The following SCYL1 variants were observed in gnomAD, a reference collection of about 807,000 sequenced individuals.
SCYL1 encodes the protein SCY1 like pseudokinase 1, also known as N-terminal kinase-like protein.
SCYL1 carries 85 observed loss-of-function variants against 94.8 expected under a neutral mutation model. That is an observed-to-expected ratio of 0.90 (90% confidence interval 0.75 to 1.07). The LOEUF is 1.07. SCYL1 is among the 50% of genes least tolerant of loss of function. SCYL1 has a pLI of 0.00. For synonymous variants in SCYL1, 459 were observed against 435.5 expected (o/e 1.05, Z -0.67); for missense variants, 968 against 1,083.3 (o/e 0.89, Z 1.49).
chr11:65,525,540 T>C (rs763259725), intron 1 of SCYL1, 34 bp from the exon 2 acceptor site: 1 of 1,605,346 alleles, frequency 6.2e-7, no homozygotes, highest in Non-Finnish European at 8.5e-7. Flanking sequence ...ACAACAGCTC[T>C]GGGACCATCT....
intron 9 of SCYL1, among the ~76,000 whole-genome samples, chr11:65,534,585 G>A (rs1471900093): frequency 6.6e-6 from 1 of 152,192 alleles, no homozygotes; most frequent in Non-Finnish European, 1.5e-5. Context: ...ATGCATGTGT[G>A]AAATTTAGGG....
chr11:65,529,287 G>A (rs1855251386), intron 6 of SCYL1, among the ~76,000 whole-genome samples: 1 of 152,214 alleles, frequency 6.6e-6, no homozygotes. Context: ...CAGTGTCGGG[G>A]CAGCAGGAAC....
At position 65,535,352 on chromosome 11, in the gene SCYL1, G is replaced by A; in HGVS notation, c.1356G>A (p.Leu452=). ...GPIRCNTTVC[L]GKIGSYLSAS... is the part of the protein sequence containing the mutation. ...TCCGCTGCAACACCACAGTCTGCCT[G>A]GGCAAAATCGGCTCCTACCTCAGTG... Residue 452 remains leucine (L), a synonymous_variant, in exon 10 of 18, where the codon CTG becomes CTA. Transcript: ENST00000270176. 1 of 1,614,240 alleles carries A rather than the reference G, an allele frequency of 6.2e-7. No individual in the cohort carries two copies. The highest frequency in any genetic ancestry group is 8.5e-7 in the Non-Finnish European group (1 of 1,180,016).
chr11:65,526,331 A>T lies in SCYL1; in HGVS notation c.583A>T (p.Arg195Ter). The change falls in exon 4 of 18, where the codon AGA becomes TGA. Residue 195 changes from arginine (R) to a stop codon, truncating the protein, a stop_gained. Coordinates refer to ENST00000270176, the MANE Select transcript of SCYL1 (RefSeq NM_020680.4). LOFTEE classifies it high-confidence loss of function. The surrounding 1 kb of genome is among the most constrained non-coding windows in gnomAD (Gnocchi z 4.1). ...DPPELADSSG[R>*]VVREKWSADM... ...CCCGGAGTTGGCTGACAGCAGTGGCAGAGTGGTCAGAGAGAAGTGGTGGGT... is the reference window on the plus strand; with the variant it reads ...CCCGGAGTTGGCTGACAGCAGTGGCTGAGTGGTCAGAGAGAAGTGGTGGGT... The T allele has an allele frequency of 6.2e-7, 1 of 1,604,486 alleles. No individual in the cohort carries two copies. The highest frequency in any genetic ancestry group is 8.5e-7 in the Non-Finnish European group (1 of 1,173,954).
At chr11:65,530,523 A>G (rs546787660) in intron 6 of SCYL1, 106 bp from the exon 7 acceptor site, 12 of 1,310,404 alleles carry the variant, frequency 9.2e-6, no homozygotes, top group Middle Eastern at 3.9e-4. Flanking sequence ...CAGGCTCCAG[A>G]GCCCATAAGG....
chr11:65,534,846 G>A (rs2135078818), intron 9 of SCYL1, among the ~76,000 whole-genome samples: 1 of 152,288 alleles, frequency 6.6e-6, no homozygotes, highest in South Asian at 2.1e-4. Flanking sequence ...AGGGGTGTCA[G>A]AACTGCTGAG....
chr11:65,527,706 C>T (rs1321321874), intron 6 of SCYL1, among the ~76,000 whole-genome samples: 8 of 133,194 alleles, frequency 6.0e-5, no homozygotes, highest in African/African-American at 1.5e-4. Flanking sequence ...CACTCTAGCC[C>T]GGGCGACAGT....
chr11:65,531,306 A>T (rs1393977494), intron 7 of SCYL1, among the ~76,000 whole-genome samples: 2 of 152,310 alleles, frequency 1.3e-5, no homozygotes, highest in African/African-American at 4.8e-5. Flanking sequence ...CAGAAATTGC[A>T]GGCAGAATTT....
rs1458357965 is a variant in SCYL1 at position 65,537,040 on chromosome 11, A to G, written c.1871A>G (p.His624Arg). The change falls in exon 14 of 18, where the codon CAC (histidine) becomes CGC (arginine). Residue 624 changes from histidine to arginine, a missense_variant. Physicochemically the swap from His to Arg is conservative, Grantham distance 29 (BLOSUM62 0). Coordinates refer to ENST00000270176, the MANE Select transcript of SCYL1 (RefSeq NM_020680.4). ...PVPATPTTSG[H>R]WETQEEDKDT... ...CCTGCCACCCCTACAACCTCAGGCC[A>G]CTGGGAGACGCAGGAGGAGGACAAG... 5 of 1,602,384 alleles carry G rather than the reference A, an allele frequency of 3.1e-6. No individual in the cohort carries two copies. In the Admixed American group the frequency reaches 8.4e-5, roughly 27 times the overall value.
chr11:65,536,182 G>C (rs774664238), intron 11 of SCYL1, 41 bp downstream of exon 11: 28 of 1,606,356 alleles, frequency 1.7e-5, no homozygotes, highest in Non-Finnish European at 2.1e-5. Flanking sequence ...TGGGGCTGTA[G>C]GGGATGTCAG....
intron 6 of SCYL1, among the ~76,000 whole-genome samples, chr11:65,528,200 T>C (rs1285349853): frequency 2.0e-5 from 3 of 152,158 alleles, no homozygotes; most frequent in Non-Finnish European, 4.4e-5. Flanking sequence ...CCCAGCACTT[T>C]GGGAGGCTGA....
intron 6 of SCYL1, among the ~76,000 whole-genome samples, chr11:65,528,163 C>G (rs1565069994): frequency 6.6e-6 from 1 of 152,220 alleles, no homozygotes; most frequent in Non-Finnish European, 1.5e-5. Context: ...TAAATAAGAG[C>G]CAGGTGCAGT....
Position 65,526,266 on chromosome 11 carries a change from CTCCCCGCAAGGGGA to C in SCYL1, c.525_538del (p.Lys176AlafsTer2). ...TCGGCCCAGGGCAACGGTGGGGGAC[CTCCCCGCAAGGGGA>C]TCCCCGAGCTTGAGCAGTATGACCC... On this transcript the variant is annotated frameshift_variant, in exon 4 of 18. Transcript: ENST00000270176. LOFTEE classifies it high-confidence loss of function. This position sits in a 1 kb window ranked among gnomAD's most constrained non-coding sequence, Gnocchi z 4.1. 1 of 1,613,022 alleles carries C rather than the reference CTCCCCGCAAGGGGA, an allele frequency of 6.2e-7. No homozygotes were observed. Among genetic ancestry groups the C allele is most frequent in the Middle Eastern group, 1.7e-4 (1 of 6,058 alleles).
At position 65,538,611 on chromosome 11, in the gene SCYL1, G is replaced by A. The variant is rs982816838; in HGVS notation, c.*45G>A. The A allele has an allele frequency of 1.3e-6, 2 of 1,589,832 alleles. No individual in the cohort carries two copies. Among genetic ancestry groups the A allele is most frequent in the Admixed American group, 1.7e-5 (1 of 58,600 alleles). On this transcript the variant is annotated 3_prime_UTR_variant, in exon 18 of 18. Transcript: ENST00000270176. ...CCGGCTGCGGAGAGCCCGCCCCACA[G>A]ATGTATTTATTGTACAAACCATGTG...
At chr11:65,535,713 G>A (rs1002521155) in intron 10 of SCYL1, 22 of 576,092 alleles carry the variant, frequency 3.8e-5, no homozygotes, top group African/African-American at 5.6e-5. Flanking sequence ...GCCTGTGTCC[G>A]AGCCCTGGGG....
intron 9 of SCYL1, 62 bp downstream of exon 9, chr11:65,532,867 C>A: frequency 1.5e-6 from 2 of 1,291,218 alleles, no homozygotes; most frequent in Non-Finnish European, 2.2e-6. Context: ...GGGGCTCACC[C>A]TAGACACAGA....
In SCYL1 at chr11:65,532,629, C is replaced by A. The variant is rs980626070; in HGVS notation, c.1117-63C>A. On this transcript the variant is annotated intron_variant, in intron 8 of 17. Transcript: ENST00000270176. ...GGAAAAGCTAAGCCAGGAGCGGTTC[C>A]ATGGCTATGGGGATAGAGTGGGAAG... 10 of 1,364,146 alleles carry A rather than the reference C, an allele frequency of 7.3e-6. 1 individual carries two copies. The South Asian group carries it at 1.2e-4, about 16-fold the overall frequency. 84.5% of individuals were successfully genotyped at this position (1,364,146 alleles called of 1,614,324 possible).
chr11:65,537,786 A>G lies in SCYL1; in HGVS notation c.1960-23A>G, dbSNP rs1440667424. ...TGCCCTTTAGCATGGGGTGGGAGTC[A>G]GTGGTCCCTTCCCACACTGCAGCAG... is the stretch of plus-strand genomic sequence containing the variant. On this transcript the variant is annotated intron_variant, in intron 14 of 17. Transcript: ENST00000270176. 6 of 1,536,426 alleles carry G rather than the reference A, an allele frequency of 3.9e-6. No homozygotes were observed. The Admixed American group carries it at 1.2e-4, about 31-fold the overall frequency.
In SCYL1 at chr11:65,538,309, C is replaced by G; in HGVS notation, c.2287C>G (p.Leu763Val). 6.4e-7 allele frequency: 1 copy of G among 1,550,440 alleles called. No individual in the cohort carries two copies. Among genetic ancestry groups the G allele is most frequent in the Non-Finnish European group, 8.7e-7 (1 of 1,146,562 alleles). ...DSWGEDNWEG[L>V]ETDSRQVKAE... Reference sequence around the variant, plus strand: ...TTGGGGTGAGGACAACTGGGAGGGCCTCGAGACTGACAGTCGTAAGTGCTT... The same window carrying G: ...TTGGGGTGAGGACAACTGGGAGGGCGTCGAGACTGACAGTCGTAAGTGCTT... Residue 763 changes from leucine to valine, a missense_variant, in exon 17 of 18, where the codon CTC becomes GTC. By Grantham distance (32) the Leu-to-Val change is conservative. Coordinates refer to ENST00000270176, the MANE Select transcript of SCYL1 (RefSeq NM_020680.4).
Sources: gnomAD v4.1 joint callset for allele counts (sites outside exome capture counted in the v4.1 genomes callset) on GRCh38, gnomAD v4.1.1 for gene constraint, Gnocchi (gnomAD v3.1) non-coding constraint, MANE v1.5 for transcripts, NCBI Gene and HGNC (gene_info 2026-07-23, HGNC 2026-07-21) for gene names.